WNK1: variants seen among roughly 807,000 people sequenced by gnomAD.
WNK1 encodes serine/threonine-protein kinase WNK1.
A neutral mutation model predicts 222.8 loss-of-function variants in WNK1; 38 were observed. The ratio of observed to expected loss-of-function variants is 0.17; its 90% CI spans 0.13 to 0.22. The LOEUF (loss-of-function observed/expected upper bound fraction) is 0.22, where lower values mean the gene tolerates loss of function less well. Among genes scored for constraint, WNK1 ranks in the 10% least tolerant of loss-of-function variants. The pLI, the probability that WNK1 is intolerant of heterozygous loss-of-function variation, is 1.00. For missense variants in WNK1, 2,348 were observed against 2,918.4 expected (o/e 0.80, Z 4.50); for synonymous variants, 1,090 against 1,092.9 (o/e 1.00, Z 0.05).
chr12:813,390 AT>A (rs1947077293), intron 1 of WNK1, among the ~76,000 whole-genome samples: 1 of 150,776 alleles, frequency 6.6e-6, no homozygotes, highest in Non-Finnish European at 1.5e-5. Flanking sequence ...TTGATGACTT[AT>A]GTTGGATATG....
chr12:759,022 AT>A (rs1268955010), intron 1 of WNK1, among the ~76,000 whole-genome samples: 2 of 146,918 alleles, frequency 1.4e-5, no homozygotes, highest in African/African-American at 4.9e-5. Flanking sequence ...AAAATAAAAA[AT>A]ATATGTATAT....
chr12:881,864 A>G (rs1322075683), intron 13 of WNK1, 47 bp from the exon 14 acceptor site: 1 of 1,613,810 alleles, frequency 6.2e-7, no homozygotes, highest in South Asian at 1.1e-5. Flanking sequence ...CAGACCTTTA[A>G]ATCTCATATT....
At position 854,355 on chromosome 12, in the gene WNK1, C is replaced by CTTTTTTTTTTTTTT. The variant is rs765372764; in HGVS notation, c.1312-2795_1312-2794insTTTTTTTTTTTTTT. On this transcript the variant is annotated intron_variant, in intron 4 of 27. Transcript: ENST00000315939. ...CAACAGAGCAAGAACTTATCATTAT[C>CTTTTTTTTTTTTTT]TTTTTTTTTTTGTTTTTTTTGAGAC... 3.1e-5 allele frequency among the ~76,000 whole-genome samples: 3 copies of CTTTTTTTTTTTTTT among 97,742 alleles called. 1 individual carries two copies. Among genetic ancestry groups the CTTTTTTTTTTTTTT allele is most frequent in the Admixed American group, 1.3e-4 (1 of 7,904 alleles). The allele number at this position is 97,742 out of a possible 152,430, so 64.1% of individuals were successfully genotyped here.
chr12:800,932 T>G (rs1273618349), intron 1 of WNK1, among the ~76,000 whole-genome samples: 2 of 152,302 alleles, frequency 1.3e-5, no homozygotes, highest in Admixed American at 1.3e-4. Context: ...TCCTACAGAT[T>G]CTTCGTTTTT....
At position 890,440 on chromosome 12, in the gene WNK1, G is replaced by A. The variant is rs779773296; in HGVS notation, c.5449-13G>A. On this transcript the variant is annotated splice_polypyrimidine_tract_variant and intron_variant, in intron 21 of 27. Coordinates refer to ENST00000315939, the MANE Select transcript of WNK1 (RefSeq NM_018979.4). ...CTAAAGATTTGTGGTGTCTGTCTGT[G>A]TGTGTTTTACAGCCTGTGTCCATGG... The A allele has an allele frequency of 5.6e-6, 9 of 1,613,938 alleles. No homozygotes were observed. Among genetic ancestry groups the A allele is most frequent in the African/African-American group, 1.3e-5 (1 of 74,912 alleles).
chr12:831,437 C>A (rs11834999), intron 4 of WNK1, among the ~76,000 whole-genome samples: 12 of 151,900 alleles, frequency 7.9e-5, no homozygotes, highest in African/African-American at 2.9e-4. Flanking sequence ...ACTTTGGAGG[C>A]TGAGGCCCGA....
At chr12:854,553 T>G (rs1461011346) in intron 4 of WNK1, among the ~76,000 whole-genome samples, 1 of 151,830 alleles carries the variant, frequency 6.6e-6, no homozygotes, top group Non-Finnish European at 1.5e-5. Context: ...TTCACCATGT[T>G]GGCCAGGCTG....
chr12:834,666 G>A (rs770672724), intron 4 of WNK1, among the ~76,000 whole-genome samples: 1 of 152,048 alleles, frequency 6.6e-6, no homozygotes, highest in Non-Finnish European at 1.5e-5. Flanking sequence ...CAATTATTTT[G>A]TTCTCTGTAA....
chr12:797,841 C>G (rs1468933674), intron 1 of WNK1, among the ~76,000 whole-genome samples: 1 of 151,328 alleles, frequency 6.6e-6, no homozygotes, highest in East Asian at 2.0e-4. Flanking sequence ...CTCAGCTACT[C>G]AGGAGGCTGA....
chr12:796,460 A>G (rs1945322084), intron 1 of WNK1, among the ~76,000 whole-genome samples: 1 of 152,164 alleles, frequency 6.6e-6, no homozygotes, highest in Non-Finnish European at 1.5e-5. Flanking sequence ...TGAATATATG[A>G]GAAATTCAGA....
chr12:809,080 A>G (rs1384324963), intron 1 of WNK1, among the ~76,000 whole-genome samples: 1 of 151,882 alleles, frequency 6.6e-6, no homozygotes, highest in Non-Finnish European at 1.5e-5. Context: ...CTCTCTTATA[A>G]GTAGACTTTT....
At chr12:893,990 G>A (rs1481875650) in intron 22 of WNK1, among the ~76,000 whole-genome samples, 2 of 152,062 alleles carry the variant, frequency 1.3e-5, no homozygotes, top group East Asian at 3.9e-4. Context: ...GGCTGAGGCA[G>A]GCATATTACC....
At chr12:907,701 C>A in intron 26 of WNK1, 146 bp from the exon 27 acceptor site, 1 of 965,846 alleles carries the variant, frequency 1.0e-6, no homozygotes, top group South Asian at 1.3e-5. Flanking sequence ...CTAAACAAAA[C>A]CTTGGAATCT....
At chr12:787,676 C>T (rs1485491287) in intron 1 of WNK1, among the ~76,000 whole-genome samples, 1 of 152,126 alleles carries the variant, frequency 6.6e-6, no homozygotes, top group Non-Finnish European at 1.5e-5. Context: ...TTCTTACACA[C>T]TTTAATGTAT....
At chr12:891,077 A>T (rs1954179566) in intron 22 of WNK1, among the ~76,000 whole-genome samples, 1 of 152,246 alleles carries the variant, frequency 6.6e-6, no homozygotes, top group Non-Finnish European at 1.5e-5. Context: ...AATAAAGATT[A>T]CTACCAATAA....
intron 4 of WNK1, among the ~76,000 whole-genome samples, chr12:839,366 A>T (rs1035015751): frequency 4.6e-5 from 7 of 152,204 alleles, no homozygotes; most frequent in African/African-American, 1.7e-4. Flanking sequence ...ATTATTTCTG[A>T]CTGCAGAGTG....
rs1389146184 is a variant in WNK1, at chr12:754,144, A to G, written c.579A>G (p.Pro193=). The G allele has an allele frequency of 6.2e-7, 1 of 1,612,810 alleles. No homozygotes were observed. The highest frequency in any genetic ancestry group is 8.5e-7 in the Non-Finnish European group (1 of 1,180,030). Residue 193 remains proline (P), a synonymous_variant, in exon 1 of 28, where the codon CCA becomes CCG. Transcript: ENST00000315939. ...GCGGCGGCGGCAGCGCCAAGGAGCCACAGGAGGAACGGAGCCAGCAGCAGG... is the reference window on the plus strand; with the variant it reads ...GCGGCGGCGGCAGCGCCAAGGAGCCGCAGGAGGAACGGAGCCAGCAGCAGG... ...SGSGGGSAKE[P]QEERSQQQDD...
At chr12:812,803 A>G (rs1394005054) in intron 1 of WNK1, among the ~76,000 whole-genome samples, 2 of 152,242 alleles carry the variant, frequency 1.3e-5, no homozygotes, top group African/African-American at 4.8e-5. Flanking sequence ...ACACATACTC[A>G]CACACATTTA....
At position 865,361 on chromosome 12, in the gene WNK1, T is replaced by C. The variant is rs1228575060; in HGVS notation, c.2139+3091T>C. The C allele has an allele frequency of 6.5e-7, 1 of 1,535,976 alleles. No homozygotes were observed. Among genetic ancestry groups the C allele is most frequent in the Admixed American group, 2.0e-5 (1 of 51,004 alleles). The stretch of plus-strand genomic sequence containing the variant: ...CCAGCCTGCCTTCCCTCTTTGTCAG[T>C]ACTGTATGTAACTGTAAACTTCTGA... On this transcript the variant is annotated intron_variant, in intron 8 of 27. Transcript: ENST00000315939.
Sources: gnomAD v4.1 joint callset for allele counts (sites outside exome capture counted in the v4.1 genomes callset) on GRCh38, gnomAD v4.1.1 for gene constraint, MANE v1.5 for transcripts, NCBI Gene and HGNC (gene_info 2026-07-23, HGNC 2026-07-21) for gene names.